Variants in KHDRBS2 observed in about 807,000 individuals in gnomAD.
KHDRBS2 encodes the protein KH domain-containing, RNA-binding, signal transduction-associated protein 2.
A neutral mutation model predicts 44.3 loss-of-function variants in KHDRBS2; 26 were observed. That is an observed-to-expected ratio of 0.59 (90% CI 0.43 to 0.81). KHDRBS2 has a LOEUF of 0.81. KHDRBS2 is among the 40% of genes least tolerant of loss of function. The pLI is 0.00. For missense variants in KHDRBS2, 476 were observed against 433.1 expected (o/e 1.10, Z -0.88); for synonymous variants, 194 against 151.1 (o/e 1.28, Z -2.08).
intron 2 of KHDRBS2, among the ~76,000 whole-genome samples, chr6:62,081,864 T>G (rs1797465926): frequency 6.6e-6 from 1 of 152,004 alleles, no homozygotes; most frequent in East Asian, 1.9e-4. Context: ...TTATATATAA[T>G]ATTATATACA....
At chr6:62,099,460 G>T (rs1297739952) in intron 2 of KHDRBS2, among the ~76,000 whole-genome samples, 1 of 152,132 alleles carries the variant, frequency 6.6e-6, no homozygotes, top group African/African-American at 2.4e-5. Flanking sequence ...TCCTCGGTTG[G>T]TGTGTTGTTC....
At chr6:61,630,508 CCAAACCAGA>C in the KHDRBS2 span, 1 of 152,326 alleles carries the variant, frequency 6.6e-6, no homozygotes, top group African/African-American at 2.4e-5. Flanking sequence ...GTATCTGCAA[CCAAACCAGA>C]CATACATGGA....
chr6:62,149,716 T>C (rs1209151297), intron 2 of KHDRBS2, among the ~76,000 whole-genome samples: 2 of 152,158 alleles, frequency 1.3e-5, no homozygotes, highest in Non-Finnish European at 2.9e-5. Context: ...CTAAGTTAAA[T>C]AGGGTGCAGT....
Position 61,746,916 on chromosome 6 carries a change from G to GA in KHDRBS2, c.811-14153dup, listed in dbSNP as rs1224269253. 9.2e-5 allele frequency among the ~76,000 whole-genome samples: 14 copies of GA among 151,600 alleles called. 1 individual carries two copies. The highest frequency in any genetic ancestry group is 5.9e-4 in the Admixed American group (9 of 15,206). On this transcript the variant is annotated intron_variant, in intron 6 of 8. Transcript: ENST00000281156. ...ACTAAAGAGCTTCTGCACAGCAAAA[G>GA]AAACTACCATCAGAGTGAACAGGCA...
At chr6:62,213,313 C>A (rs114200118) in intron 1 of KHDRBS2, among the ~76,000 whole-genome samples, 2,428 of 151,390 alleles carry the variant, frequency 0.016, 56 homozygotes, top group African/African-American at 0.055. Context: ...TTTTTATGTC[C>A]CGAGATTGAG....
At chr6:61,588,937 C>G in the KHDRBS2 span, among the ~76,000 whole-genome samples, 5 of 152,042 alleles carry the variant, frequency 3.3e-5, no homozygotes, top group Admixed American at 2.6e-4. Context: ...AAGCTGGAAA[C>G]CATCATCCTC....
intron 4 of KHDRBS2, among the ~76,000 whole-genome samples, chr6:61,901,895 G>C (rs1167285916): frequency 6.6e-6 from 1 of 152,094 alleles, no homozygotes; most frequent in Non-Finnish European, 1.5e-5. Context: ...CAGACAACAA[G>C]CAGCTGCAGA....
At chr6:61,601,929 G>A in the KHDRBS2 span, among the ~76,000 whole-genome samples, 1 of 152,114 alleles carries the variant, frequency 6.6e-6, no homozygotes, top group Non-Finnish European at 1.5e-5. Context: ...GCATAGTCAA[G>A]GTTAATGCTC....
At chr6:61,553,056 G>T in the KHDRBS2 span, among the ~76,000 whole-genome samples, 1 of 152,090 alleles carries the variant, frequency 6.6e-6, no homozygotes, top group African/African-American at 2.4e-5. Context: ...TCAATGTTTG[G>T]AATAGCTTCC....
the KHDRBS2 span, among the ~76,000 whole-genome samples, chr6:61,548,062 A>G: frequency 1.3e-5 from 2 of 152,176 alleles, no homozygotes; most frequent in African/African-American, 2.4e-5. Context: ...TTACACATCA[A>G]TATTTTCAAG....
At chr6:61,628,239 T>TTTTTC in the KHDRBS2 span, among the ~76,000 whole-genome samples, 1 of 53,632 alleles carries the variant, frequency 1.9e-5, no homozygotes, top group East Asian at 4.1e-4. Flanking sequence ...TTTTTTTTTT[T>TTTTTC]TTCAACCTGG....
intron 3 of KHDRBS2, among the ~76,000 whole-genome samples, chr6:61,979,041 A>T (rs1026815826): frequency 2.0e-5 from 3 of 152,152 alleles, no homozygotes; most frequent in African/African-American, 7.2e-5. Flanking sequence ...TGGTTAATTC[A>T]GTGCAGGTGT....
At chr6:62,082,315 G>GTGTGTT (rs1337151681) in intron 2 of KHDRBS2, among the ~76,000 whole-genome samples, 1 of 148,836 alleles carries the variant, frequency 6.7e-6, no homozygotes, top group African/African-American at 2.4e-5. Context: ...ACACTGGTGT[G>GTGTGTT]TGTGTGTGTG....
intron 2 of KHDRBS2, among the ~76,000 whole-genome samples, chr6:62,067,434 A>T (rs1793991203): frequency 6.6e-6 from 1 of 151,520 alleles, no homozygotes; most frequent in Non-Finnish European, 1.5e-5. Flanking sequence ...AGCTCTGCTG[A>T]TAAATTTAAA....
intron 2 of KHDRBS2, among the ~76,000 whole-genome samples, chr6:62,090,807 T>G (rs1799357278): frequency 6.6e-6 from 1 of 152,176 alleles, no homozygotes. Context: ...TTGCTTTAAA[T>G]TTTGTTTCAA....
chr6:62,101,129 T>A (rs1193781095), intron 2 of KHDRBS2, among the ~76,000 whole-genome samples: 6 of 152,294 alleles, frequency 3.9e-5, no homozygotes, highest in African/African-American at 1.4e-4. Context: ...TTTTTATTTA[T>A]AATATGAAGA....
At chr6:61,742,346 A>G (rs1776253661) in intron 6 of KHDRBS2, among the ~76,000 whole-genome samples, 1 of 152,018 alleles carries the variant, frequency 6.6e-6, no homozygotes, top group African/African-American at 2.4e-5. Flanking sequence ...GTAATAATCA[A>G]AAATTTAAAA....
At chr6:61,844,366 A>G (rs2127275178) in intron 6 of KHDRBS2, among the ~76,000 whole-genome samples, 1 of 152,298 alleles carries the variant, frequency 6.6e-6, no homozygotes, top group Non-Finnish European at 1.5e-5. Flanking sequence ...TAAAATTAGT[A>G]TAATTTTCAG....
At chr6:61,897,101 A>G (rs1803060813) in intron 5 of KHDRBS2, among the ~76,000 whole-genome samples, 1 of 152,124 alleles carries the variant, frequency 6.6e-6, no homozygotes, top group Non-Finnish European at 1.5e-5. Flanking sequence ...TTCCTAACAT[A>G]ATGCCATATC....
Sources: allele counts gnomAD v4.1 joint callset (sites outside exome capture counted in the v4.1 genomes callset), GRCh38; gene constraint gnomAD v4.1.1; transcripts MANE v1.5; gene names NCBI Gene and HGNC (gene_info 2026-07-23, HGNC 2026-07-21).